The following DNAAF11 variants were observed in gnomAD, a reference collection of about 807,000 sequenced individuals.
DNAAF11 encodes the protein leucine rich repeat containing 6.
DNAAF11 carries 45 observed loss-of-function variants against 60.8 expected under a neutral mutation model. The observed-to-expected ratio is 0.74, with a 90% CI of 0.58 to 0.95. DNAAF11 has a LOEUF of 0.95. Among genes scored for constraint, DNAAF11 ranks in the 40% least tolerant of loss-of-function variants. The pLI is 0.00. For missense variants in DNAAF11, 546 were observed against 546.2 expected (o/e 1.00, Z 0.00); for synonymous variants, 191 against 183.5 (o/e 1.04, Z -0.33).
At chr8:132,586,661 A>G (rs1815933806) in intron 10 of DNAAF11, among the ~76,000 whole-genome samples, 1 of 152,174 alleles carries the variant, frequency 6.6e-6, no homozygotes, top group Non-Finnish European at 1.5e-5. Context: ...TTGGGGGTCT[A>G]CAATCCAACC....
intron 10 of DNAAF11, among the ~76,000 whole-genome samples, chr8:132,602,556 G>C (rs1690419173): frequency 6.6e-6 from 1 of 151,938 alleles, no homozygotes; most frequent in South Asian, 2.1e-4. Flanking sequence ...AATTAAAACA[G>C]TGTTTTACAG....
chr8:132,584,570 CTCTCT>C (rs1316529654), intron 10 of DNAAF11, among the ~76,000 whole-genome samples: 1 of 152,136 alleles, frequency 6.6e-6, no homozygotes, highest in Non-Finnish European at 1.5e-5. Flanking sequence ...AGTTTAAAAA[CTCTCT>C]TCTCATGTTG....
rs1226136447 is a variant in DNAAF11, at chr8:132,570,815, A to G, written c.*1491T>C. ...AAGCCCACCCACCAGGATCTTGGCC[A>G]CGGACCAGAAGGGTAGCAGATAAAT... On this transcript the variant is annotated 3_prime_UTR_variant, in exon 12 of 12. Transcript: ENST00000620350. Among the ~76,000 whole-genome samples the G allele has an allele frequency of 1.3e-5, 2 of 152,214 alleles. No homozygotes were observed. Among genetic ancestry groups the G allele is most frequent in the Non-Finnish European group, 2.9e-5 (2 of 68,046 alleles).
At chr8:132,650,629 AC>A (rs1367047500) in intron 3 of DNAAF11, among the ~76,000 whole-genome samples, 1 of 152,230 alleles carries the variant, frequency 6.6e-6, no homozygotes, top group Non-Finnish European at 1.5e-5. Context: ...AACTATATCT[AC>A]AAATAAAACA....
chr8:132,675,460 G>A lies in DNAAF11; in HGVS notation c.10+24C>T, dbSNP rs547424479. On this transcript the variant is annotated intron_variant, in intron 1 of 11. Coordinates refer to ENST00000620350, the MANE Select transcript of DNAAF11 (RefSeq NM_012472.6). The stretch of plus-strand genomic sequence containing the variant: ...TACTTCCACAAGGGGAACGATCGAG[G>A]ACGGAAGGTGGAGGGGGGCTTACTC... The A allele has an allele frequency of 4.7e-5, 73 of 1,560,936 alleles. No individual in the cohort carries two copies. The South Asian group carries it at 8.1e-4, about 17-fold the overall frequency.
At chr8:132,625,551 A>G in intron 5 of DNAAF11, 97 bp from the exon 6 acceptor site, 1 of 904,854 alleles carries the variant, frequency 1.1e-6, no homozygotes, top group Non-Finnish European at 1.6e-6. Flanking sequence ...TTCTTATGTG[A>G]TCTTCTTACC....
chr8:132,645,302 A>G (rs1248717858), intron 3 of DNAAF11, among the ~76,000 whole-genome samples: 5 of 152,226 alleles, frequency 3.3e-5, no homozygotes, highest in African/African-American at 1.2e-4. Context: ...TAACAAACAG[A>G]AAGGACATCC....
At chr8:132,668,325 C>T (rs1426541798) in intron 1 of DNAAF11, among the ~76,000 whole-genome samples, 3 of 152,172 alleles carry the variant, frequency 2.0e-5, no homozygotes, top group African/African-American at 7.2e-5. Context: ...TACTGAAAAG[C>T]ACTAAGTGCT....
chr8:132,618,749 T>C (rs1415504487), intron 7 of DNAAF11, among the ~76,000 whole-genome samples: 1 of 151,996 alleles, frequency 6.6e-6, no homozygotes, highest in Non-Finnish European at 1.5e-5. Context: ...CACAATGAGA[T>C]ACCATCTCAC....
chr8:132,592,037 T>C (rs1345615621), intron 10 of DNAAF11, among the ~76,000 whole-genome samples: 5 of 152,332 alleles, frequency 3.3e-5, no homozygotes, highest in African/African-American at 1.2e-4. Flanking sequence ...TCTGGTGTAT[T>C]TGATGAACTA....
chr8:132,609,505 A>G (rs544899180), intron 10 of DNAAF11, among the ~76,000 whole-genome samples: 2 of 152,274 alleles, frequency 1.3e-5, no homozygotes, highest in South Asian at 4.1e-4. Context: ...ATGGTTCAGG[A>G]TTATGGTAAT....
At chr8:132,692,427 A>G in the DNAAF11 span, among the ~76,000 whole-genome samples, 1 of 152,232 alleles carries the variant, frequency 6.6e-6, no homozygotes, top group Admixed American at 6.5e-5. Context: ...AGATCATTTT[A>G]GAGTGTCCAT....
chr8:132,618,610 AAAC>A (rs1819428416), intron 7 of DNAAF11, among the ~76,000 whole-genome samples: 1 of 135,970 alleles, frequency 7.4e-6, no homozygotes, highest in Non-Finnish European at 1.6e-5. Flanking sequence ...AGAAAAAAAC[AAAC>A]AACCCCATCA....
chr8:132,679,230 ATTG>A (rs554871970), upstream of DNAAF11, among the ~76,000 whole-genome samples: 492 of 152,242 alleles, frequency 3.2e-3, no homozygotes, highest in African/African-American at 0.011. Flanking sequence ...GAATTTTGTT[ATTG>A]TTGTTTGTTT....
At chr8:132,671,149 G>A (rs577413985) in intron 1 of DNAAF11, among the ~76,000 whole-genome samples, 8 of 152,292 alleles carry the variant, frequency 5.3e-5, no homozygotes, top group Admixed American at 2.6e-4. Flanking sequence ...TCTATTTGCA[G>A]ATGATATGAC....
chr8:132,667,916 A>G (rs1269449724), intron 1 of DNAAF11, among the ~76,000 whole-genome samples: 3 of 152,172 alleles, frequency 2.0e-5, no homozygotes, highest in Non-Finnish European at 2.9e-5. Context: ...CATTACATTG[A>G]GCAAAGTTCT....
At chr8:132,595,666 C>G (rs992554774) in intron 10 of DNAAF11, among the ~76,000 whole-genome samples, 1 of 152,140 alleles carries the variant, frequency 6.6e-6, no homozygotes, top group African/African-American at 2.4e-5. Flanking sequence ...AAATGTTTAT[C>G]CAGATAGTGG....
At chr8:132,644,198 C>T (rs1442408363) in intron 3 of DNAAF11, among the ~76,000 whole-genome samples, 1 of 152,146 alleles carries the variant, frequency 6.6e-6, no homozygotes, top group East Asian at 1.9e-4. Flanking sequence ...TCCTCCATTG[C>T]TAGAATTTCA....
At chr8:132,599,635 A>T (rs1817390059) in intron 10 of DNAAF11, among the ~76,000 whole-genome samples, 1 of 152,218 alleles carries the variant, frequency 6.6e-6, no homozygotes, top group South Asian at 2.1e-4. Context: ...CAAATCAATA[A>T]ATGTAATCCA....
Sources: gnomAD v4.1 joint callset for allele counts (sites outside exome capture counted in the v4.1 genomes callset) on GRCh38, gnomAD v4.1.1 for gene constraint, MANE v1.5 for transcripts, NCBI Gene and HGNC (gene_info 2026-07-23, HGNC 2026-07-21) for gene names.